Variants in CCDC141 observed in about 807,000 individuals in gnomAD.
CCDC141 encodes the protein coiled-coil domain containing 141.
A neutral mutation model predicts 181.0 loss-of-function variants in CCDC141; 168 were observed. That is an observed-to-expected ratio of 0.93 (90% CI 0.82 to 1.05). The LOEUF (loss-of-function observed/expected upper bound fraction) is 1.05, where lower values mean the gene tolerates loss of function less well. CCDC141 is among the 50% of genes least tolerant of loss of function. The pLI is 0.00. For synonymous variants in CCDC141, 666 were observed against 642.3 expected (o/e 1.04, Z -0.56); for missense variants, 1,902 against 1,788.5 (o/e 1.06, Z -1.14).
intron 2 of CCDC141, among the ~76,000 whole-genome samples, chr2:179,018,480 T>A (rs577123289): frequency 1.3e-5 from 2 of 152,190 alleles, no homozygotes; most frequent in Admixed American, 6.5e-5. Context: ...TTTTTCAGTC[T>A]CTTTCAAATA....
intron 2 of CCDC141, among the ~76,000 whole-genome samples, chr2:178,992,844 TGA>T (rs1268877445): frequency 6.6e-6 from 1 of 152,164 alleles, no homozygotes. Context: ...CCTGTGATAG[TGA>T]GAGAGTTCTC....
Position 178,845,651 on chromosome 2 carries a change from G to T in CCDC141, c.3449C>A (p.Thr1150Lys), listed in dbSNP as rs143948587. Residue 1150 changes from threonine to lysine, a missense_variant, in exon 22 of 24, where the codon ACA (threonine) becomes AAA (lysine). Transcript: ENST00000443758. Reference protein sequence around the residue: ...LLKEPAKNKQTIFNEERNKGQ... With the variant: ...LLKEPAKNKQKIFNEERNKGQ... ...CTTATTCCTTTCTTCATTGAATATT[G>T]TCTGCTTATTTTTTGCTGGTTCCTT... 27 of 1,601,580 alleles carry T rather than the reference G, an allele frequency of 1.7e-5. No individual in the cohort carries two copies. In the African/African-American group the frequency reaches 3.2e-4, roughly 19 times the overall value.
At chr2:178,908,054 T>A (rs1688055362) in intron 7 of CCDC141, among the ~76,000 whole-genome samples, 1 of 152,100 alleles carries the variant, frequency 6.6e-6, no homozygotes, top group South Asian at 2.1e-4. Flanking sequence ...GATGATTTAA[T>A]GACTTTCCCT....
At chr2:178,992,702 C>T (rs1033302548) in intron 2 of CCDC141, among the ~76,000 whole-genome samples, 2 of 152,054 alleles carry the variant, frequency 1.3e-5, no homozygotes, top group African/African-American at 2.4e-5. Context: ...GGGGTTGCAT[C>T]GTGATATGGT....
chr2:178,963,511 T>G (rs1262753182), intron 4 of CCDC141, among the ~76,000 whole-genome samples: 1 of 152,112 alleles, frequency 6.6e-6, no homozygotes, highest in Non-Finnish European at 1.5e-5. Context: ...ACTGAACTGG[T>G]GCTGAAACTC....
intron 7 of CCDC141, among the ~76,000 whole-genome samples, chr2:178,913,386 T>G (rs566701861): frequency 6.6e-6 from 1 of 152,342 alleles, no homozygotes; most frequent in Non-Finnish European, 1.5e-5. Context: ...CATAGTATTT[T>G]TTTAGGTACT....
At chr2:178,836,252 AAAT>A (rs1335701545) in intron 23 of CCDC141, 3 of 152,208 alleles carry the variant, frequency 2.0e-5, no homozygotes, top group African/African-American at 7.2e-5. Flanking sequence ...AGAGGCTAAA[AAAT>A]AATGATGTCT....
Position 179,015,497 on chromosome 2 carries a change from C to CCATATATATCATATATGTGT in CCDC141, c.225+31786_225+31787insACACATATATGATATATATG, listed in dbSNP as rs763808323. On this transcript the variant is annotated intron_variant, in intron 2 of 23. Coordinates refer to ENST00000443758, the MANE Select transcript of CCDC141 (RefSeq NM_173648.4). ...ATGTGCCATATATATCATATATGTG[C>CCATATATATCATATATGTGT]CATATATATCATATATGTATCACAT... 4.3e-3 allele frequency among the ~76,000 whole-genome samples: 174 copies of CCATATATATCATATATGTGT among 40,014 alleles called. 11 individuals are homozygous for CCATATATATCATATATGTGT. Among genetic ancestry groups the CCATATATATCATATATGTGT allele is most frequent in the African/African-American group, 7.9e-3 (123 of 15,564 alleles). The allele number at this position is 40,014 out of a possible 152,430, so 26.3% of individuals were successfully genotyped here. A position where few individuals can be genotyped will look rare whatever the true frequency, so the allele number is the denominator to read the frequency against.
At chr2:178,989,593 CAAAA>C (rs1204459331) in intron 2 of CCDC141, among the ~76,000 whole-genome samples, 13,609 of 76,260 alleles carry the variant, frequency 0.18, 1,102 homozygotes, top group South Asian at 0.31. Flanking sequence ...GACCCTGCCT[CAAAA>C]AAAAAAAAAA....
chr2:178,837,762 C>T lies in CCDC141; in HGVS notation c.3475-18G>A, dbSNP rs772299874. ...ACCTGCCCCTTGAAAAAAGAAAAGC[C>T]AAATCATCCTTATTCATTCATTTTT... On this transcript the variant is annotated intron_variant, in intron 22 of 23. Coordinates refer to ENST00000443758, the MANE Select transcript of CCDC141 (RefSeq NM_173648.4). 1.3e-6 allele frequency: 2 copies of T among 1,580,302 alleles called. No individual in the cohort carries two copies. Among genetic ancestry groups the T allele is most frequent in the Non-Finnish European group, 1.7e-6 (2 of 1,167,536 alleles).
chr2:178,835,074 T>G (rs1684424754), intron 23 of CCDC141, among the ~76,000 whole-genome samples: 1 of 152,194 alleles, frequency 6.6e-6, no homozygotes, highest in Admixed American at 6.5e-5. Context: ...TAGTAACAAT[T>G]ACCTAGGGTG....
intron 21 of CCDC141, among the ~76,000 whole-genome samples, chr2:178,849,271 C>T (rs1685066660): frequency 6.6e-6 from 1 of 152,186 alleles, no homozygotes; most frequent in Non-Finnish European, 1.5e-5. Flanking sequence ...CTCCGGGCTA[C>T]CCTGGGATCC....
At chr2:178,967,134 A>T (rs1036692124) in intron 4 of CCDC141, among the ~76,000 whole-genome samples, 9 of 152,294 alleles carry the variant, frequency 5.9e-5, no homozygotes, top group Non-Finnish European at 1.3e-4. Context: ...TGATTGGTAT[A>T]CCTGAAAGTG....
intron 6 of CCDC141, among the ~76,000 whole-genome samples, chr2:178,933,921 T>A (rs1689189182): frequency 6.6e-6 from 1 of 152,232 alleles, no homozygotes. Flanking sequence ...GGAGTCACTA[T>A]GTCTATGTGG....
rs1411923203 is a variant in CCDC141, at chr2:178,905,434, G to T, written c.1160C>A (p.Ala387Asp). ...TTCCTCATGCCTCACTGCCAAAACA[G>T]CCAGACTTAAACCCTCTGATTTAAG... ...KLLKSEGLSL[A>D]VLAVRHEELH... The change falls in exon 8 of 24, where the codon GCT (alanine) becomes GAT (aspartate). Residue 387 changes from alanine (A) to aspartate (D), a missense_variant. Coordinates refer to ENST00000443758, the MANE Select transcript of CCDC141 (RefSeq NM_173648.4). The T allele has an allele frequency of 1.3e-6, 2 of 1,550,946 alleles. No homozygotes were observed. The highest frequency in any genetic ancestry group is 1.7e-6 in the Non-Finnish European group (2 of 1,147,026).
At chr2:178,834,542 TC>T (rs1684397081) in intron 23 of CCDC141, 102 bp from the exon 24 acceptor site, 4 of 1,278,902 alleles carry the variant, frequency 3.1e-6, no homozygotes, top group Non-Finnish European at 4.3e-6. Flanking sequence ...ACTGCAATAT[TC>T]TCTTAGGATT....
At chr2:178,875,611 A>G (rs75886803) in intron 12 of CCDC141, 14,549 of 152,070 alleles carry the variant, frequency 0.096, 1,664 homozygotes, top group East Asian at 0.66. Flanking sequence ...AGCTCCAGGT[A>G]CAAATGTTGT....
At chr2:178,888,500 T>A (rs931367259) in intron 9 of CCDC141, 27 bp downstream of exon 9, 60 of 1,544,864 alleles carry the variant, frequency 3.9e-5, no homozygotes, top group Non-Finnish European at 5.0e-5. Context: ...CCAACTTAGA[T>A]ATTTAAGTTT....
rs187983464 is a variant in CCDC141, at chr2:178,910,031, T to C, written c.1093-4530A>G. On this transcript the variant is annotated intron_variant, in intron 7 of 23. Transcript: ENST00000443758. ...GGCAGATAAGAAGATGAATCAGCTC[T>C]TTTCGGTCTTGTTTTGGTAAAGACT... Among the ~76,000 whole-genome samples the C allele has an allele frequency of 2.0e-5, 3 of 152,312 alleles. No homozygotes were observed. In the East Asian group the frequency reaches 5.8e-4, roughly 29 times the overall value.
Sources: allele counts gnomAD v4.1 joint callset (sites outside exome capture counted in the v4.1 genomes callset), GRCh38; gene constraint gnomAD v4.1.1; transcripts MANE v1.5; gene names NCBI Gene and HGNC (gene_info 2026-07-23, HGNC 2026-07-21).